The following PDE6B variants were observed in gnomAD, a reference collection of about 807,000 sequenced individuals.
The protein encoded by PDE6B is rod cGMP-specific 3',5'-cyclic phosphodiesterase subunit beta.
PDE6B carries 106 observed loss-of-function variants against 109.0 expected under a neutral mutation model. That is an observed-to-expected ratio of 0.97 (90% CI 0.83 to 1.14). The LOEUF (loss-of-function observed/expected upper bound fraction) is 1.14, where lower values mean the gene tolerates loss of function less well. PDE6B is among the 50% of genes most tolerant of loss of function. The probability of loss-of-function intolerance (pLI) is 0.00; values close to 1 mark genes in which losing one functional copy is unlikely to be tolerated. For missense variants in PDE6B, 1,193 were observed against 1,155.6 expected (o/e 1.03, Z -0.47); for synonymous variants, 490 against 471.3 (o/e 1.04, Z -0.51).
chr4:631,510 G>C (rs959556723), intron 1 of PDE6B, among the ~76,000 whole-genome samples: 1 of 152,130 alleles, frequency 6.6e-6, no homozygotes, highest in Admixed American at 6.5e-5. Flanking sequence ...ATGTTATGTG[G>C]ATCTGTGTGA....
intron 20 of PDE6B, among the ~76,000 whole-genome samples, chr4:667,316 C>T (rs1436939722): frequency 2.0e-5 from 3 of 152,184 alleles, no homozygotes; most frequent in African/African-American, 7.2e-5. Context: ...ATCCTACCCA[C>T]CCCGGGTCGT....
At chr4:634,862 TCTGCCTCC>T in intron 2 of PDE6B, 33 bp downstream of exon 2, 5 of 1,596,382 alleles carry the variant, frequency 3.1e-6, no homozygotes, top group Non-Finnish European at 4.3e-6. Flanking sequence ...CAGCCGCGCG[TCTGCCTCC>T]CTGCCTGCCT....
At position 626,118 on chromosome 4, in the gene PDE6B, G is replaced by A; in HGVS notation, c.468+24G>A. ...AGGTGGGTCTGTGCGGAGCCTCAGG[G>A]AGGCGGCTGTGTGCATCTCTTGCAC... is the stretch of plus-strand genomic sequence containing the variant. On this transcript the variant is annotated intron_variant, in intron 1 of 21. Coordinates refer to ENST00000496514, the MANE Select transcript of PDE6B (RefSeq NM_000283.4). This position sits in a 1 kb window ranked among gnomAD's most constrained non-coding sequence, Gnocchi z 4.6. 1 of 1,412,234 alleles carries A rather than the reference G, an allele frequency of 7.1e-7. No homozygotes were observed. Among genetic ancestry groups the A allele is most frequent in the Non-Finnish European group, 9.8e-7 (1 of 1,020,282 alleles). 87.5% of individuals were successfully genotyped at this position (1,412,234 alleles called of 1,614,324 possible).
chr4:641,551 C>G (rs1325187790), intron 3 of PDE6B, among the ~76,000 whole-genome samples: 1 of 152,260 alleles, frequency 6.6e-6, no homozygotes, highest in Admixed American at 6.5e-5. Context: ...GGCTGTGCGG[C>G]AGGGGCAGGC....
chr4:647,301 G>A (rs945111740), intron 3 of PDE6B, among the ~76,000 whole-genome samples: 3 of 152,004 alleles, frequency 2.0e-5, no homozygotes, highest in African/African-American at 7.3e-5. Context: ...GCCAAAGCAG[G>A]GACTGGGGCA....
chr4:642,391 G>T (rs1259929679), intron 3 of PDE6B, among the ~76,000 whole-genome samples: 2 of 152,008 alleles, frequency 1.3e-5, no homozygotes, highest in African/African-American at 2.4e-5. Context: ...CAGGAAAATC[G>T]CTTGAACCTG....
At position 660,571 on chromosome 4, in the gene PDE6B, C is replaced by CT; in HGVS notation, c.1573dup (p.Tyr525LeufsTer74). 2 of 1,613,810 alleles carry CT rather than the reference C, an allele frequency of 1.2e-6. No homozygotes were observed. The highest frequency in any genetic ancestry group is 2.7e-5 in the African/African-American group (2 of 75,040). On this transcript the variant is annotated frameshift_variant, in exon 12 of 22. Transcript: ENST00000496514. LOFTEE classifies it high-confidence loss of function. ...TGGTCAAATGTGGCATCCAGATGTA[C>CT]TACGAGCTGGGCGTGGTCCGAAAGT...
At position 662,324 on chromosome 4, in the gene PDE6B, G is replaced by T; in HGVS notation, c.1722+83G>T. On this transcript the variant is annotated intron_variant, in intron 13 of 21. Coordinates refer to ENST00000496514, the MANE Select transcript of PDE6B (RefSeq NM_000283.4). This position sits in a 1 kb window ranked among gnomAD's most constrained non-coding sequence, Gnocchi z 4.3. ...ACTCAAGCACCCCGAGGGATGAGAT[G>T]GGGGTCCTCCCAGGGCAGAAGGATG... is the stretch of plus-strand genomic sequence containing the variant. 1 of 872,248 alleles carries T rather than the reference G, an allele frequency of 1.1e-6. No homozygotes were observed. Among genetic ancestry groups the T allele is most frequent in the South Asian group, 1.4e-5 (1 of 70,604 alleles). The allele number at this position is 872,248 out of a possible 1,614,324, so 54.0% of individuals were successfully genotyped here.
intron 3 of PDE6B, chr4:652,070 C>CG (rs1464859367): frequency 2.9e-5 from 3 of 103,884 alleles, no homozygotes; most frequent in African/African-American, 1.0e-4. Context: ...CCACACCCAT[C>CG]GGTGAGGCAG....
In PDE6B at chr4:663,998, C is replaced by T; in HGVS notation, c.2022-116C>T. ...CCCGGATTCCGTCCCTGCCCGCCGG[C>T]CCCGCGCACCCCGGATGGGGCCTCG... On this transcript the variant is annotated intron_variant, in intron 16 of 21. Transcript: ENST00000496514. This position sits in a 1 kb window ranked among gnomAD's most constrained non-coding sequence, Gnocchi z 4.0. The T allele has an allele frequency of 9.0e-7, 1 of 1,105,856 alleles. No homozygotes were observed. The highest frequency in any genetic ancestry group is 1.2e-5 in the South Asian group (1 of 80,084). 68.5% of individuals were successfully genotyped at this position (1,105,856 alleles called of 1,614,324 possible).
At chr4:638,859 G>A (rs1734815034) in intron 3 of PDE6B, among the ~76,000 whole-genome samples, 1 of 152,084 alleles carries the variant, frequency 6.6e-6, no homozygotes, top group South Asian at 2.1e-4. Flanking sequence ...CTCAACCAGG[G>A]GCTCACTCAC....
In PDE6B at chr4:626,241, A is replaced by G. The variant is rs1160035732; in HGVS notation, c.468+147A>G. On this transcript the variant is annotated intron_variant, in intron 1 of 21. Coordinates refer to ENST00000496514, the MANE Select transcript of PDE6B (RefSeq NM_000283.4). The surrounding 1 kb of genome is among the most constrained non-coding windows in gnomAD (Gnocchi z 4.6). ...GTTCTGTGCTGAGGAGCAAGTACCT[A>G]GAGCCCCCTCCCGGCACTGTGCCCT... The G allele has an allele frequency of 4.8e-6, 3 of 620,690 alleles. No individual in the cohort carries two copies. The highest frequency in any genetic ancestry group is 8.6e-6 in the Non-Finnish European group (3 of 350,582). 38.4% of individuals were successfully genotyped at this position (620,690 alleles called of 1,614,324 possible). A position where few individuals can be genotyped will look rare whatever the true frequency, so the allele number is the denominator to read the frequency against.
Position 670,489 on chromosome 4 carries a change from G to A in PDE6B, c.*382G>A, listed in dbSNP as rs749118636. ...AACTCCTGACCTCAGGTGATCACCC[G>A]CCTCAGCTTCCTGAAGTGCTGGGAT... On this transcript the variant is annotated 3_prime_UTR_variant, in exon 22 of 22. Transcript: ENST00000496514. The A allele has an allele frequency of 2.8e-5, 7 of 252,536 alleles. No homozygotes were observed. The highest frequency in any genetic ancestry group is 1.1e-4 in the East Asian group (1 of 9,036). 15.6% of individuals were successfully genotyped at this position (252,536 alleles called of 1,614,324 possible). A position where few individuals can be genotyped will look rare whatever the true frequency, so the allele number is the denominator to read the frequency against.
chr4:629,694 G>A (rs146709322), intron 1 of PDE6B, among the ~76,000 whole-genome samples: 15 of 152,212 alleles, frequency 9.9e-5, no homozygotes, highest in East Asian at 1.9e-4. Flanking sequence ...GAGCAGGGGC[G>A]TTGAGAACAC....
Position 670,187 on chromosome 4 carries a change from C to A in PDE6B, c.*80C>A. On this transcript the variant is annotated 3_prime_UTR_variant, in exon 22 of 22. Coordinates refer to ENST00000496514, the MANE Select transcript of PDE6B (RefSeq NM_000283.4). The stretch of plus-strand genomic sequence containing the variant: ...GGGTTCTGCCTGTGGCTATTTGCTA[C>A]AAGAGGTTAGGAAGCCCAAGAAAAT... 6.3e-7 allele frequency: 1 copy of A among 1,589,750 alleles called. No homozygotes were observed. The highest frequency in any genetic ancestry group is 8.6e-7 in the Non-Finnish European group (1 of 1,163,384).
intron 3 of PDE6B, chr4:653,328 G>T: frequency 9.3e-7 from 1 of 1,069,680 alleles, no homozygotes; most frequent in Non-Finnish European, 1.1e-6. Flanking sequence ...GGGTGAGTCT[G>T]AGCCTGGTGG....
intron 3 of PDE6B, among the ~76,000 whole-genome samples, chr4:638,232 A>C (rs1293804428): frequency 6.6e-6 from 1 of 152,204 alleles, no homozygotes; most frequent in Non-Finnish European, 1.5e-5. Flanking sequence ...TGCCATCTGT[A>C]CATCTTAATC....
At chr4:669,909 C>T (rs900060999) in intron 21 of PDE6B, 137 bp from the exon 22 acceptor site, 7 of 752,570 alleles carry the variant, frequency 9.3e-6, no homozygotes, top group African/African-American at 3.4e-5. Flanking sequence ...CCCAGCTAAT[C>T]GGCTTGGGCT....
chr4:645,573 G>A (rs2109159179), intron 3 of PDE6B, among the ~76,000 whole-genome samples: 1 of 152,042 alleles, frequency 6.6e-6, no homozygotes, highest in African/African-American at 2.4e-5. Context: ...GGGATTACAG[G>A]CGTGAGCCAC....
Sources: allele counts gnomAD v4.1 joint callset (sites outside exome capture counted in the v4.1 genomes callset), GRCh38; gene constraint gnomAD v4.1.1; non-coding constraint Gnocchi (gnomAD v3.1); transcripts MANE v1.5; gene names NCBI Gene and HGNC (gene_info 2026-07-23, HGNC 2026-07-21).